Variants in PPP1R9A observed in about 807,000 individuals in gnomAD.
PPP1R9A encodes the protein neurabin-1.
A neutral mutation model predicts 141.9 loss-of-function variants in PPP1R9A; 59 were observed. That is an observed-to-expected ratio of 0.42 (90% CI 0.34 to 0.52). The LOEUF (loss-of-function observed/expected upper bound fraction) is 0.52. Among genes scored for constraint, PPP1R9A ranks in the 20% least tolerant of loss-of-function variants. PPP1R9A has a pLI of 0.10. For synonymous variants in PPP1R9A, 500 were observed against 569.7 expected, an observed-to-expected ratio of 0.88 and a Z score of 1.74; for missense variants, 1,444 against 1,611.9, an observed-to-expected ratio of 0.90 and a Z score of 1.78.
chr7:95,048,755 C>G (rs1036755966), intron 2 of PPP1R9A, among the ~76,000 whole-genome samples: 2 of 152,034 alleles, frequency 1.3e-5, no homozygotes, highest in East Asian at 3.9e-4. Context: ...CTATGCCGGT[C>G]AGGCTGGTCT....
chr7:94,999,823 A>ATT (rs1563101129), intron 2 of PPP1R9A, among the ~76,000 whole-genome samples: 6 of 126,992 alleles, frequency 4.7e-5, no homozygotes, highest in South Asian at 2.6e-4. Flanking sequence ...ATTTATTTAG[A>ATT]TAGAGTCTCA....
chr7:94,964,027 A>G (rs1437810315), intron 2 of PPP1R9A, among the ~76,000 whole-genome samples: 3 of 152,142 alleles, frequency 2.0e-5, no homozygotes, highest in African/African-American at 7.2e-5. Flanking sequence ...CCTTGGGGAC[A>G]CTGACTAAAT....
chr7:95,102,354 C>T (rs1453669891), intron 2 of PPP1R9A, among the ~76,000 whole-genome samples: 1 of 152,152 alleles, frequency 6.6e-6, no homozygotes, highest in Non-Finnish European at 1.5e-5. Context: ...AACTTACCAT[C>T]AAATGTAGGT....
rs115081664 is a variant in PPP1R9A at position 95,268,962 on chromosome 7, A to G, written c.2824-245A>G. 9.2e-3 allele frequency among the ~76,000 whole-genome samples: 1,401 copies of G among 152,222 alleles called. 20 individuals are homozygous for G. Among genetic ancestry groups the G allele is most frequent in the African/African-American group, 0.032 (1,350 of 41,552 alleles). On this transcript the variant is annotated intron_variant, in intron 13 of 19. Transcript: ENST00000433360. ...ATGATGGTGCTTTTGATATTCAGCTATTGGTTTTACTTAGTGGGAAATAAT... is the reference window on the plus strand; with the variant it reads ...ATGATGGTGCTTTTGATATTCAGCTGTTGGTTTTACTTAGTGGGAAATAAT...
chr7:94,923,843 T>C (rs1793137450), intron 2 of PPP1R9A, among the ~76,000 whole-genome samples: 1 of 152,182 alleles, frequency 6.6e-6, no homozygotes, highest in Non-Finnish European at 1.5e-5. Flanking sequence ...GCTTTTTGTT[T>C]AATGAGATGA....
chr7:95,164,741 C>CTTTTTTTTTTTTTTTTTTTTTTTTT (rs200177321), intron 5 of PPP1R9A, among the ~76,000 whole-genome samples: 7 of 66,170 alleles, frequency 1.1e-4, no homozygotes, highest in African/African-American at 3.8e-4. Context: ...CTTTTCTTTT[C>CTTTTTTTTTTTTTTTTTTTTTTTTT]TTTTTTTTTT....
intron 2 of PPP1R9A, among the ~76,000 whole-genome samples, chr7:95,101,424 T>C (rs1486275415): frequency 6.6e-6 from 1 of 152,214 alleles, no homozygotes; most frequent in Non-Finnish European, 1.5e-5. Flanking sequence ...GGAAGCTCCT[T>C]GTATTCAGTA....
In PPP1R9A at chr7:94,911,771, G is replaced by A. The variant is rs563022785; in HGVS notation, c.1395+263G>A. On this transcript the variant is annotated intron_variant, in intron 2 of 19. Transcript: ENST00000433360. Reference sequence around the variant, plus strand: ...AAGAAGTTCGGGAATTGTGAGATACGTTCCAATGAACTGGAGTATGAGTAT... The same window carrying A: ...AAGAAGTTCGGGAATTGTGAGATACATTCCAATGAACTGGAGTATGAGTAT... Among the ~76,000 whole-genome samples, 5 of 152,258 alleles carry A rather than the reference G, an allele frequency of 3.3e-5. No homozygotes were observed. In the East Asian group the frequency reaches 5.8e-4, roughly 18 times the overall value.
intron 2 of PPP1R9A, among the ~76,000 whole-genome samples, chr7:94,989,170 C>T (rs1439268118): frequency 6.6e-6 from 1 of 151,510 alleles, no homozygotes; most frequent in Non-Finnish European, 1.5e-5. Flanking sequence ...GTTTTAGAAC[C>T]ATATGTGAAA....
chr7:95,212,444 A>T (rs759925678), intron 7 of PPP1R9A, among the ~76,000 whole-genome samples: 1 of 152,178 alleles, frequency 6.6e-6, no homozygotes, highest in Non-Finnish European at 1.5e-5. Context: ...GATTATAGAG[A>T]TCCCTCCAAA....
chr7:95,084,428 C>A (rs1238640114), intron 2 of PPP1R9A, among the ~76,000 whole-genome samples: 3 of 151,936 alleles, frequency 2.0e-5, no homozygotes, highest in Non-Finnish European at 4.4e-5. Flanking sequence ...GAACATAGAA[C>A]ATATAGTATG....
rs569296041 is a variant in PPP1R9A, at chr7:94,987,374, A to G, written c.1395+75866A>G. The stretch of plus-strand genomic sequence containing the variant: ...AGAAATTAAATCCTATTAAGAAAAC[A>G]GTATCTTAACTATATAGATAAAGTA... On this transcript the variant is annotated intron_variant, in intron 2 of 19. Coordinates refer to ENST00000433360, the MANE Select transcript of PPP1R9A (RefSeq NM_001166160.2). Among the ~76,000 whole-genome samples, 22 of 152,362 alleles carry G rather than the reference A, an allele frequency of 1.4e-4. 1 individual carries two copies. The highest frequency in any genetic ancestry group is 3.4e-3 in the Middle Eastern group (1 of 294).
At chr7:95,166,163 A>AG (rs1388864938) in intron 5 of PPP1R9A, among the ~76,000 whole-genome samples, 8 of 151,574 alleles carry the variant, frequency 5.3e-5, no homozygotes, top group Non-Finnish European at 1.0e-4. Flanking sequence ...AAAAAAAAAA[A>AG]AAAGAAAGAA....
At chr7:95,227,613 G>T (rs1200671816) in intron 8 of PPP1R9A, among the ~76,000 whole-genome samples, 2 of 152,132 alleles carry the variant, frequency 1.3e-5, no homozygotes, top group African/African-American at 4.8e-5. Context: ...TACTACAACA[G>T]CAAAGTTGAG....
At position 95,286,231 on chromosome 7, in the gene PPP1R9A, G is replaced by A. The variant is rs1395479136; in HGVS notation, c.3635G>A (p.Ser1212Asn). Residue 1212 changes from serine (S) to asparagine (N), a missense_variant, in exon 18 of 20, where the codon AGT becomes AAT. This residue lies in a region of PPP1R9A where 459 missense variants were observed against 513.8 expected (regional missense o/e 0.89). Transcript: ENST00000433360. ...TNNFTFNDDF[S>N]PSSTSSADLS... The stretch of plus-strand genomic sequence containing the variant: ...AATTTTACCTTCAATGATGACTTCA[G>A]TCCCAGCAGTACCAGTTCAGCAGAC... 6.2e-7 allele frequency: 1 copy of A among 1,613,466 alleles called. No homozygotes were observed. The highest frequency in any genetic ancestry group is 1.7e-5 in the Admixed American group (1 of 59,980).
intron 2 of PPP1R9A, among the ~76,000 whole-genome samples, chr7:95,101,448 A>G (rs1818785017): frequency 1.3e-5 from 2 of 152,224 alleles, no homozygotes; most frequent in South Asian, 4.1e-4. Flanking sequence ...TCACTAAGGT[A>G]CTTAAACTTG....
At chr7:94,970,447 C>T (rs1375218137) in intron 2 of PPP1R9A, among the ~76,000 whole-genome samples, 1 of 152,110 alleles carries the variant, frequency 6.6e-6, no homozygotes, top group Non-Finnish European at 1.5e-5. Context: ...ATGCCCCAAC[C>T]TGCTTTGGCT....
At chr7:95,277,019 A>G (rs1284866562) in intron 16 of PPP1R9A, among the ~76,000 whole-genome samples, 1 of 152,190 alleles carries the variant, frequency 6.6e-6, no homozygotes, top group Non-Finnish European at 1.5e-5. Context: ...GCAGGGTCGC[A>G]CTATGATTGT....
At chr7:95,193,899 T>C (rs1490824856) in intron 5 of PPP1R9A, among the ~76,000 whole-genome samples, 1 of 152,096 alleles carries the variant, frequency 6.6e-6, no homozygotes, top group Non-Finnish European at 1.5e-5. Flanking sequence ...TTATTCCTAT[T>C]AGAAAAACTG....
Sources: gnomAD v4.1 joint callset for allele counts (sites outside exome capture counted in the v4.1 genomes callset) on GRCh38, gnomAD v4.1.1 for gene constraint, gnomAD v4.1.1 regional missense constraint, MANE v1.5 for transcripts, NCBI Gene and HGNC (gene_info 2026-07-23, HGNC 2026-07-21) for gene names.